Variants in PGBD5 observed in about 807,000 individuals in gnomAD.
The protein encoded by PGBD5 is piggyBac transposable element-derived protein 5.
Under a neutral mutation model 47.9 loss-of-function variants are expected in PGBD5, and 14 were observed. That is an observed-to-expected ratio of 0.29 (90% CI 0.19 to 0.46). The LOEUF (loss-of-function observed/expected upper bound fraction) is 0.46, where lower values mean the gene tolerates loss of function less well. Ranked by LOEUF, PGBD5 falls within the 20% of genes least tolerant of loss-of-function variation. The pLI is 1.00. For missense variants in PGBD5, 635 were observed against 716.0 expected (o/e 0.89, Z 1.29); for synonymous variants, 316 against 306.3 (o/e 1.03, Z -0.33).
intron 1 of PGBD5, among the ~76,000 whole-genome samples, chr1:230,421,230 C>T (rs1657639392): frequency 6.6e-6 from 1 of 152,080 alleles, no homozygotes; most frequent in Non-Finnish European, 1.5e-5. Flanking sequence ...AACACCCTGG[C>T]AAGATTCTAC....
rs1666964239 is a variant in PGBD5, at chr1:230,317,237, A to G, written c.*6188T>C. 1 of 152,302 alleles carries G rather than the reference A, an allele frequency of 6.6e-6. No homozygotes were observed. The highest frequency in any genetic ancestry group is 1.5e-5 in the Non-Finnish European group (1 of 68,112). 9.4% of individuals were successfully genotyped at this position (152,302 alleles called of 1,614,324 possible). ...GTAACACGTGCCCAGTTCTTAGCAC[A>G]ATGCCTGGCCTGTAGCAGTTCAGAA... On this transcript the variant is annotated 3_prime_UTR_variant, in exon 7 of 7. Transcript: ENST00000391860.
intron 1 of PGBD5, among the ~76,000 whole-genome samples, chr1:230,399,335 T>C (rs528963323): frequency 6.6e-6 from 1 of 152,162 alleles, no homozygotes. Context: ...TGATATACAC[T>C]TGGTGTCTTC....
At chr1:230,342,778 A>C (rs1334132227) in intron 3 of PGBD5, among the ~76,000 whole-genome samples, 2 of 152,224 alleles carry the variant, frequency 1.3e-5, no homozygotes, top group African/African-American at 4.8e-5. Flanking sequence ...AATTGTGCAC[A>C]TAGAAGTGAT....
rs906794959 is a variant in PGBD5 at position 230,316,027 on chromosome 1, T to C, written c.*7398A>G. ...ATGTGTACACATATATGTATGTGTA[T>C]ACATACATAAGTATATGTGTACACA... On this transcript the variant is annotated 3_prime_UTR_variant, in exon 7 of 7. Coordinates refer to ENST00000391860, the MANE Select transcript of PGBD5 (RefSeq NM_001258311.2). 1 of 133,046 alleles carries C rather than the reference T, an allele frequency of 7.5e-6. No homozygotes were observed. Among genetic ancestry groups the C allele is most frequent in the African/African-American group, 3.0e-5 (1 of 33,428 alleles). 8.2% of individuals were successfully genotyped at this position (133,046 alleles called of 1,614,324 possible).
At chr1:230,348,042 G>A (rs1476869987) in intron 3 of PGBD5, among the ~76,000 whole-genome samples, 2 of 152,162 alleles carry the variant, frequency 1.3e-5, no homozygotes, top group South Asian at 2.1e-4. Context: ...ACAGGAGGGC[G>A]TGGGGCAGAT....
intron 1 of PGBD5, among the ~76,000 whole-genome samples, chr1:230,396,802 G>A (rs17598179): frequency 0.026 from 3,996 of 152,152 alleles, 80 homozygotes; most frequent in Non-Finnish European, 0.041. Context: ...ATTTAAAACC[G>A]GAAGCATACA....
At chr1:230,397,267 C>T (rs1474474717) in intron 1 of PGBD5, among the ~76,000 whole-genome samples, 2 of 152,230 alleles carry the variant, frequency 1.3e-5, no homozygotes, top group South Asian at 2.1e-4. Flanking sequence ...CGTGGAACTA[C>T]AACCCTGGCT....
At chr1:230,343,863 G>A (rs1402465761) in intron 3 of PGBD5, among the ~76,000 whole-genome samples, 1 of 152,212 alleles carries the variant, frequency 6.6e-6, no homozygotes, top group Non-Finnish European at 1.5e-5. Context: ...CAAAATAAGG[G>A]AAATTAGTGA....
intron 1 of PGBD5, among the ~76,000 whole-genome samples, chr1:230,412,680 G>A (rs1302754473): frequency 6.6e-6 from 1 of 152,112 alleles, no homozygotes; most frequent in South Asian, 2.1e-4. Context: ...GAGCCACCGC[G>A]CCCGGCCCAT....
At chr1:230,398,934 T>C (rs1204087967) in intron 1 of PGBD5, among the ~76,000 whole-genome samples, 1 of 152,054 alleles carries the variant, frequency 6.6e-6, no homozygotes, top group Non-Finnish European at 1.5e-5. Flanking sequence ...AGTGCTCCAA[T>C]GAGCTCGGGG....
chr1:230,369,581 C>T (rs1667896213), intron 1 of PGBD5, among the ~76,000 whole-genome samples: 2 of 152,058 alleles, frequency 1.3e-5, no homozygotes, highest in Middle Eastern at 3.2e-3. Flanking sequence ...ACACCTGGCT[C>T]CATCTCTTCC....
chr1:230,375,687 G>C (rs1444018877), intron 1 of PGBD5, among the ~76,000 whole-genome samples: 1 of 134,990 alleles, frequency 7.4e-6, no homozygotes. Context: ...TTAGTACATG[G>C]AATAACCTCA....
intron 1 of PGBD5, chr1:230,368,255 T>C (rs1407419718): frequency 8.2e-7 from 1 of 1,225,458 alleles, no homozygotes; most frequent in Admixed American, 3.3e-5. Flanking sequence ...ATGCCTAAAA[T>C]AAATTCTTAG....
rs375674007 is a variant in PGBD5 at position 230,356,945 on chromosome 1, G to C, written c.708C>G (p.Leu236=). The C allele has an allele frequency of 5.0e-6, 8 of 1,614,188 alleles. No homozygotes were observed. The African/African-American group carries it at 1.1e-4, about 22-fold the overall frequency. Residue 236 remains leucine (L), a synonymous_variant, in exon 2 of 7, where the codon CTC becomes CTG. Coordinates refer to ENST00000391860, the MANE Select transcript of PGBD5 (RefSeq NM_001258311.2). ...THGLYKVQPF[L]DSLQNSFDSA... is the part of the protein sequence containing the mutation. ...AGTCGAAGCTGTTCTGCAGGGAGTC[G>C]AGGAAGGGCTGGACCTTGTAGAGCC... is the stretch of plus-strand genomic sequence containing the variant.
chr1:230,329,362 T>C (rs559265344), intron 5 of PGBD5, among the ~76,000 whole-genome samples: 35 of 152,250 alleles, frequency 2.3e-4, no homozygotes, highest in African/African-American at 7.9e-4. Flanking sequence ...ATTAACCAAT[T>C]CCTAAAATGT....
chr1:230,338,818 T>TAAGAA (rs1321958776), intron 3 of PGBD5, among the ~76,000 whole-genome samples: 2 of 151,286 alleles, frequency 1.3e-5, no homozygotes, highest in Non-Finnish European at 2.9e-5. Flanking sequence ...AATAAATAAA[T>TAAGAA]AAGAAAAGAA....
At chr1:230,372,261 C>A (rs1187717711) in intron 1 of PGBD5, among the ~76,000 whole-genome samples, 1 of 152,224 alleles carries the variant, frequency 6.6e-6, no homozygotes, top group Non-Finnish European at 1.5e-5. Context: ...CACTGTGAGC[C>A]TGTTTACAGA....
chr1:230,364,956 G>A (rs1266378212), intron 1 of PGBD5, among the ~76,000 whole-genome samples: 2 of 151,182 alleles, frequency 1.3e-5, no homozygotes, highest in East Asian at 3.9e-4. Context: ...GGAGGCAGAA[G>A]TTGCAGTGAG....
At chr1:230,351,126 A>T in intron 2 of PGBD5, 34 bp from the exon 3 acceptor site, 2 of 1,598,288 alleles carry the variant, frequency 1.3e-6, no homozygotes, top group Non-Finnish European at 1.7e-6. Context: ...GCTCTCACGG[A>T]AGGCAGCATG....
Sources: gnomAD v4.1 joint callset for allele counts (sites outside exome capture counted in the v4.1 genomes callset) on GRCh38, gnomAD v4.1.1 for gene constraint, MANE v1.5 for transcripts, NCBI Gene and HGNC (gene_info 2026-07-23, HGNC 2026-07-21) for gene names.